Variants in HELB observed in about 807,000 individuals in gnomAD.
The protein encoded by HELB is DNA helicase B, also known as DNA 5'-3' helicase B.
HELB carries 96 observed loss-of-function variants against 101.7 expected under a neutral mutation model. The ratio of observed to expected loss-of-function variants is 0.94; its 90% CI spans 0.80 to 1.12. The LOEUF (loss-of-function observed/expected upper bound fraction) is 1.12. Ranked by LOEUF, HELB falls within the 50% of genes most tolerant of loss-of-function variation. HELB has a pLI of 0.00. For missense variants in HELB, 1,210 were observed against 1,291.9 expected (o/e 0.94, Z 0.97); for synonymous variants, 437 against 459.7 (o/e 0.95, Z 0.63).
intron 1 of HELB, among the ~76,000 whole-genome samples, chr12:66,303,629 A>G (rs2053436378): frequency 6.6e-6 from 1 of 152,166 alleles, no homozygotes; most frequent in East Asian, 1.9e-4. Context: ...ATGAAACTCC[A>G]TCTCAAAAAA....
At chr12:66,334,478 A>G (rs1156486358) in intron 12 of HELB, among the ~76,000 whole-genome samples, 3 of 151,134 alleles carry the variant, frequency 2.0e-5, no homozygotes, top group Admixed American at 2.0e-4. Flanking sequence ...AAAGAAAAAA[A>G]AAAAAAAAAA....
intron 7 of HELB, among the ~76,000 whole-genome samples, chr12:66,319,677 C>A (rs2053648587): frequency 6.6e-6 from 1 of 151,808 alleles, no homozygotes; most frequent in African/African-American, 2.4e-5. Context: ...TTGTAGTTGC[C>A]ACTGTTCTCA....
chr12:66,339,578 A>G (rs1419692276), downstream of HELB: 1 of 152,258 alleles, frequency 6.6e-6, no homozygotes, highest in African/African-American at 2.4e-5. Context: ...CCTGACCAAC[A>G]TGGAGAAACC....
chr12:66,321,112 G>C (rs1202575635), intron 7 of HELB, among the ~76,000 whole-genome samples: 1 of 152,188 alleles, frequency 6.6e-6, no homozygotes, highest in Non-Finnish European at 1.5e-5. Context: ...TGTCTTCCCA[G>C]AGCAGGGCAT....
chr12:66,306,484 T>G lies in HELB; in HGVS notation c.747T>G (p.Gly249=). The change falls in exon 3 of 13, where the codon GGT becomes GGG. Residue 249 remains glycine (G), a synonymous_variant. Transcript: ENST00000247815. ...EMLKEIEEIL[G]THPWKLGFSK... ...TGAAAGAGATAGAAGAGATTTTAGG[T>G]ACACATCCGTGGAAACTTGGATTTA... 6.3e-7 allele frequency: 1 copy of G among 1,592,924 alleles called. No individual in the cohort carries two copies. The highest frequency in any genetic ancestry group is 8.5e-7 in the Non-Finnish European group (1 of 1,170,348).
chr12:66,306,796 T>C (rs989301704), intron 3 of HELB, among the ~76,000 whole-genome samples: 2 of 152,324 alleles, frequency 1.3e-5, no homozygotes, highest in South Asian at 4.1e-4. Context: ...AATTTAGTTA[T>C]GTAATTTAAT....
chr12:66,306,562 G>T, intron 3 of HELB, 48 bp downstream of exon 3: 1 of 1,363,682 alleles, frequency 7.3e-7, no homozygotes. Context: ...GTAAGGCATG[G>T]TTTCAGATTT....
chr12:66,330,931 A>G (rs897749550), intron 11 of HELB, among the ~76,000 whole-genome samples: 9 of 152,120 alleles, frequency 5.9e-5, no homozygotes, highest in South Asian at 4.1e-4. Flanking sequence ...TCTACAAGCC[A>G]GTTGTGGACC....
chr12:66,330,218 A>G (rs190382921), intron 11 of HELB, among the ~76,000 whole-genome samples: 279 of 152,266 alleles, frequency 1.8e-3, no homozygotes, highest in African/African-American at 5.9e-3. Context: ...CAAACTTGAA[A>G]TTGTTTTCTT....
chr12:66,341,561 T>C (rs2053918483), downstream of HELB: 1 of 152,174 alleles, frequency 6.6e-6, no homozygotes, highest in Non-Finnish European at 1.5e-5. Context: ...AACATTTAAG[T>C]CCATTATCAG....
chr12:66,302,796 G>A lies in HELB; in HGVS notation c.187+6G>A, dbSNP rs776692846. On this transcript the variant is annotated splice_donor_region_variant and intron_variant, in intron 1 of 12. Transcript: ENST00000247815. The stretch of plus-strand genomic sequence containing the variant: ...CCTCCCCGGGTGCCTCCGCGGTGAG[G>A]AAGGCGTCTGCCCGGGGGATGGGGT... The A allele has an allele frequency of 6.2e-7, 1 of 1,601,122 alleles. No homozygotes were observed. Among genetic ancestry groups the A allele is most frequent in the Non-Finnish European group, 8.5e-7 (1 of 1,172,604 alleles).
At chr12:66,315,496 C>T (rs2053594521) in intron 6 of HELB, 113 bp downstream of exon 6, 1 of 666,050 alleles carries the variant, frequency 1.5e-6, no homozygotes, top group Non-Finnish European at 2.2e-6. Flanking sequence ...TTTAGCAAAA[C>T]TCTTCCATCC....
At chr12:66,306,087 A>C (rs116717052) in intron 2 of HELB, among the ~76,000 whole-genome samples, 2,297 of 152,336 alleles carry the variant, frequency 0.015, 61 homozygotes, top group African/African-American at 0.053. Context: ...TGCAGGCAGT[A>C]GGAAACAAAA....
At position 66,310,485 on chromosome 12, in the gene HELB, C is replaced by T; in HGVS notation, c.1557C>T (p.Thr519=). 6.2e-7 allele frequency: 1 copy of T among 1,614,016 alleles called. No homozygotes were observed. ...AGAATGCTTCAGAAGAATGGATTAC[C>T]TTTACTGAGCAAAGTCAACTAGAGG... ...QDQNASEEWI[T]FTEQSQLEAD... The change falls in exon 4 of 13, where the codon ACC becomes ACT. Residue 519 remains threonine, a synonymous_variant. Coordinates refer to ENST00000247815, the MANE Select transcript of HELB (RefSeq NM_001370285.1).
chr12:66,317,736 A>G (rs1217718537), intron 6 of HELB, among the ~76,000 whole-genome samples: 2 of 152,214 alleles, frequency 1.3e-5, no homozygotes, highest in Non-Finnish European at 2.9e-5. Flanking sequence ...TGGAGATAGA[A>G]GGTGCTACAT....
At chr12:66,334,594 G>A (rs895360987) in intron 12 of HELB, among the ~76,000 whole-genome samples, 2 of 151,882 alleles carry the variant, frequency 1.3e-5, no homozygotes, top group Admixed American at 1.3e-4. Flanking sequence ...GAGCAACATG[G>A]CGAAACCCCA....
rs1199556803 is a variant in HELB, at chr12:66,309,604, G to A, written c.778-102G>A. ...TTCTATGGTATTTTCTGTAAATTTT[G>A]TTGAAGTTCATGTCTTCTGGGATTT... On this transcript the variant is annotated intron_variant, in intron 3 of 12. Coordinates refer to ENST00000247815, the MANE Select transcript of HELB (RefSeq NM_001370285.1). The A allele has an allele frequency of 8.7e-6, 6 of 688,982 alleles. No individual in the cohort carries two copies. The East Asian group carries it at 1.6e-4, about 19-fold the overall frequency. The allele number at this position is 688,982 out of a possible 1,614,324, so 42.7% of individuals were successfully genotyped here.
intron 6 of HELB, among the ~76,000 whole-genome samples, chr12:66,317,083 G>A (rs2053615789): frequency 6.6e-6 from 1 of 151,108 alleles, no homozygotes; most frequent in African/African-American, 2.4e-5. Flanking sequence ...TGTAATCCCA[G>A]CTAGTCGGGA....
At chr12:66,332,599 C>T (rs904014033) in intron 12 of HELB, among the ~76,000 whole-genome samples, 2 of 152,148 alleles carry the variant, frequency 1.3e-5, no homozygotes, top group Non-Finnish European at 2.9e-5. Flanking sequence ...TGTTGCAGTG[C>T]TTGTGTCAAG....
Sources: allele counts gnomAD v4.1 joint callset (sites outside exome capture counted in the v4.1 genomes callset), GRCh38; gene constraint gnomAD v4.1.1; transcripts MANE v1.5; gene names NCBI Gene and HGNC (gene_info 2026-07-23, HGNC 2026-07-21).